The following ADAM22 variants were observed in gnomAD, a reference collection of about 807,000 sequenced individuals.
ADAM22 encodes the protein ADAM metallopeptidase domain 22.
Under a neutral mutation model 144.6 loss-of-function variants are expected in ADAM22, and 65 were observed. The ratio of observed to expected loss-of-function variants is 0.45; its 90% CI spans 0.37 to 0.55. The LOEUF (loss-of-function observed/expected upper bound fraction) is 0.55, where lower values mean the gene tolerates loss of function less well. Ranked by LOEUF, ADAM22 falls within the 20% of genes least tolerant of loss-of-function variation. The probability of loss-of-function intolerance (pLI) is 0.00; values close to 1 mark genes in which losing one functional copy is unlikely to be tolerated. For synonymous variants in ADAM22, 391 were observed against 412.6 expected (o/e 0.95, Z 0.63); for missense variants, 974 against 1,184.9 (o/e 0.82, Z 2.61).
chr7:88,176,387 C>A (rs553990116), intron 26 of ADAM22, among the ~76,000 whole-genome samples: 1 of 152,272 alleles, frequency 6.6e-6, no homozygotes, highest in East Asian at 1.9e-4. Flanking sequence ...AGATAAGAAT[C>A]TAATCTGCTC....
chr7:88,102,992 G>T (rs1173901561), intron 4 of ADAM22, among the ~76,000 whole-genome samples: 1 of 152,196 alleles, frequency 6.6e-6, no homozygotes, highest in East Asian at 1.9e-4. Flanking sequence ...GTGCTTCTCT[G>T]AAAGGAGACA....
intron 2 of ADAM22, among the ~76,000 whole-genome samples, chr7:87,959,359 A>G (rs1287826264): frequency 6.6e-6 from 1 of 152,248 alleles, no homozygotes; most frequent in Admixed American, 6.5e-5. Flanking sequence ...TAAGAGCTCA[A>G]TAAATGTTAG....
chr7:88,134,174 A>G (rs1832478064), intron 12 of ADAM22, among the ~76,000 whole-genome samples, 155 bp from the exon 13 acceptor site: 1 of 152,188 alleles, frequency 6.6e-6, no homozygotes, highest in Non-Finnish European at 1.5e-5. Flanking sequence ...TTTTTCCCAA[A>G]TGCATATTCA....
intron 2 of ADAM22, among the ~76,000 whole-genome samples, chr7:87,972,391 T>A (rs1237695989): frequency 1.3e-5 from 2 of 151,836 alleles, no homozygotes; most frequent in African/African-American, 4.8e-5. Context: ...GTGAAGGACC[T>A]CTTCAAGGAG....
intron 5 of ADAM22, among the ~76,000 whole-genome samples, chr7:88,111,415 A>G (rs1826014699): frequency 1.3e-5 from 2 of 152,232 alleles, no homozygotes; most frequent in African/African-American, 2.4e-5. Context: ...CAATAATATA[A>G]ATAAGGGAAA....
intron 4 of ADAM22, 58 bp from the exon 5 acceptor site, chr7:88,108,118 T>C: frequency 7.0e-7 from 1 of 1,432,306 alleles, no homozygotes; most frequent in South Asian, 1.2e-5. Context: ...TCCTGTGAAA[T>C]GAAGCAGCTG....
chr7:88,073,670 G>A (rs567079027), intron 3 of ADAM22, among the ~76,000 whole-genome samples: 97 of 152,308 alleles, frequency 6.4e-4, no homozygotes, highest in African/African-American at 2.1e-3. Context: ...TGGGTTAGGG[G>A]CAAGTAGGGT....
chr7:88,151,700 C>T (rs907186480), intron 20 of ADAM22, among the ~76,000 whole-genome samples: 2 of 152,180 alleles, frequency 1.3e-5, no homozygotes, highest in African/African-American at 2.4e-5. Flanking sequence ...GGACCCTGGA[C>T]AGGACGTCCT....
At position 87,934,394 on chromosome 7, in the gene ADAM22, G is replaced by C; in HGVS notation, c.-72G>C. 2 of 1,465,640 alleles carry C rather than the reference G, an allele frequency of 1.4e-6. No homozygotes were observed. Among genetic ancestry groups the C allele is most frequent in the Non-Finnish European group, 1.8e-6 (2 of 1,089,560 alleles). The allele number at this position is 1,465,640 out of a possible 1,614,324, so 90.8% of individuals were successfully genotyped here. A position where few individuals can be genotyped will look rare whatever the true frequency, so the allele number is the denominator to read the frequency against. ...CGCGGGGACCCCGGGGGCGCGGAGC[G>C]AGGGAAACGGACTCGGCGGCGCCGG... On this transcript the variant is annotated 5_prime_UTR_variant, in exon 1 of 32. Coordinates refer to ENST00000413139, the MANE Select transcript of ADAM22 (RefSeq NM_001324418.2).
intron 5 of ADAM22, among the ~76,000 whole-genome samples, chr7:88,109,958 G>A (rs557742710): frequency 6.6e-6 from 1 of 152,216 alleles, no homozygotes; most frequent in East Asian, 1.9e-4. Flanking sequence ...GACACCTCTG[G>A]TCAGGATCTG....
chr7:88,016,373 A>AC (rs1044623675), intron 3 of ADAM22, among the ~76,000 whole-genome samples: 2 of 152,230 alleles, frequency 1.3e-5, no homozygotes, highest in Non-Finnish European at 2.9e-5. Context: ...CCTTTCTAGA[A>AC]CAATGGGAAA....
chr7:88,080,699 A>G (rs1428183731), intron 4 of ADAM22, among the ~76,000 whole-genome samples: 1 of 152,190 alleles, frequency 6.6e-6, no homozygotes, highest in Non-Finnish European at 1.5e-5. Flanking sequence ...ACAAACTACC[A>G]TCAGAGAATA....
At chr7:88,001,627 C>T (rs1584936727) in intron 3 of ADAM22, among the ~76,000 whole-genome samples, 2 of 151,992 alleles carry the variant, frequency 1.3e-5, no homozygotes, top group East Asian at 3.9e-4. Context: ...GGGGAGTGTG[C>T]TTATTCCAAA....
At chr7:88,155,108 T>C (rs1839568420) in intron 21 of ADAM22, among the ~76,000 whole-genome samples, 1 of 152,210 alleles carries the variant, frequency 6.6e-6, no homozygotes, top group African/African-American at 2.4e-5. Flanking sequence ...TGAGCCTTTG[T>C]AGTTGGCAGT....
At chr7:88,007,394 A>G (rs1794184566) in intron 3 of ADAM22, among the ~76,000 whole-genome samples, 1 of 152,216 alleles carries the variant, frequency 6.6e-6, no homozygotes, top group Admixed American at 6.5e-5. Context: ...ATTGGAAAAA[A>G]CTACTTTAAA....
chr7:88,143,243 A>G (rs1835334836), intron 15 of ADAM22, 118 bp downstream of exon 15: 12 of 625,772 alleles, frequency 1.9e-5, no homozygotes, highest in Non-Finnish European at 3.0e-5. Context: ...CTGTATGTAC[A>G]TATTCTAGAT....
chr7:88,163,318 T>A, intron 23 of ADAM22, 138 bp downstream of exon 23: 2 of 621,396 alleles, frequency 3.2e-6, no homozygotes, highest in Non-Finnish European at 4.9e-6. Context: ...ACTAATTCAA[T>A]TATAGTTATT....
rs1446424773 is a variant in ADAM22, at chr7:88,114,646, A to C, written c.536A>C (p.Gln179Pro). The change falls in exon 6 of 32, where the codon CAA becomes CCA. Residue 179 changes from glutamine (Q) to proline (P), a missense_variant and splice_region_variant. Transcript: ENST00000413139. ...GAGCCAGAAGAAAATGACACTACTC[A>C]AGTAAGTGCTCCTTCTGTTTGTTGT... is the stretch of plus-strand genomic sequence containing the variant. ...LIEPEENDTT[Q>P]EDFHFHSVYK... The C allele has an allele frequency of 6.2e-7, 1 of 1,613,794 alleles. No homozygotes were observed. The highest frequency in any genetic ancestry group is 8.5e-7 in the Non-Finnish European group (1 of 1,179,798).
chr7:87,976,706 A>G (rs960599951), intron 2 of ADAM22, among the ~76,000 whole-genome samples: 2 of 152,200 alleles, frequency 1.3e-5, no homozygotes, highest in Non-Finnish European at 2.9e-5. Flanking sequence ...AATGAATGAA[A>G]AAGCCACAGA....
Sources: allele counts gnomAD v4.1 joint callset (sites outside exome capture counted in the v4.1 genomes callset), GRCh38; gene constraint gnomAD v4.1.1; transcripts MANE v1.5; gene names NCBI Gene and HGNC (gene_info 2026-07-23, HGNC 2026-07-21).